LRBA: variants seen among roughly 807,000 people sequenced by gnomAD.
LRBA encodes LPS responsive beige-like anchor protein, also known as lipopolysaccharide-responsive and beige-like anchor protein.
A neutral mutation model predicts 330.0 loss-of-function variants in LRBA; 176 were observed. That is an observed-to-expected ratio of 0.53 (90% CI 0.47 to 0.60). The LOEUF is 0.60. Ranked by LOEUF, LRBA falls within the 20% of genes least tolerant of loss-of-function variation. LRBA has a pLI of 0.00. For synonymous variants in LRBA, 1,230 were observed against 1,193.0 expected (o/e 1.03, Z -0.64); for missense variants, 3,259 against 3,444.8 (o/e 0.95, Z 1.35).
intron 37 of LRBA, among the ~76,000 whole-genome samples, chr4:150,635,232 CA>C (rs1312860524): frequency 6.6e-6 from 1 of 152,172 alleles, no homozygotes. Context: ...CCAGGAATAT[CA>C]GCATGACTCC....
intron 37 of LRBA, among the ~76,000 whole-genome samples, chr4:150,657,176 C>G (rs554424039): frequency 6.6e-6 from 1 of 152,306 alleles, no homozygotes; most frequent in South Asian, 2.1e-4. Context: ...ATAAGACAGA[C>G]TTCCCTTACG....
chr4:150,632,631 C>T (rs1036193026), intron 37 of LRBA, among the ~76,000 whole-genome samples: 3 of 152,126 alleles, frequency 2.0e-5, no homozygotes, highest in Non-Finnish European at 4.4e-5. Context: ...TGGGCTTATC[C>T]TAGCTCTCCT....
At chr4:150,849,277 T>C in intron 25 of LRBA, 145 bp downstream of exon 25, 1 of 698,052 alleles carries the variant, frequency 1.4e-6, no homozygotes, top group Non-Finnish European at 2.4e-6. Context: ...GAACAGATTC[T>C]AAGGTCCTCT....
intron 40 of LRBA, among the ~76,000 whole-genome samples, chr4:150,565,299 C>T (rs1476382082): frequency 6.6e-6 from 1 of 152,018 alleles, no homozygotes; most frequent in African/African-American, 2.4e-5. Context: ...ACTATGAGAA[C>T]ACATGGACAC....
At chr4:150,659,209 G>C (rs1400090059) in intron 37 of LRBA, among the ~76,000 whole-genome samples, 1 of 92,090 alleles carries the variant, frequency 1.1e-5, no homozygotes, top group African/African-American at 3.7e-5. Flanking sequence ...CCCTCTGCCT[G>C]GCTGCCCAGT....
chr4:150,751,892 T>C (rs975835292), intron 35 of LRBA, among the ~76,000 whole-genome samples: 5 of 152,144 alleles, frequency 3.3e-5, no homozygotes, highest in African/African-American at 1.2e-4. Flanking sequence ...AGACCTTGGG[T>C]AAGCACATAC....
At chr4:150,775,325 ATTATT>A (rs1347781470) in intron 34 of LRBA, among the ~76,000 whole-genome samples, 3 of 152,188 alleles carry the variant, frequency 2.0e-5, no homozygotes, top group African/African-American at 7.2e-5. Context: ...ATCTCCCCAA[ATTATT>A]TTATTTATTT....
intron 47 of LRBA, among the ~76,000 whole-genome samples, chr4:150,398,166 G>C (rs1745001795): frequency 6.6e-6 from 1 of 152,102 alleles, no homozygotes; most frequent in African/African-American, 2.4e-5. Flanking sequence ...ATGGTGAATG[G>C]AACAGATCTA....
At chr4:150,935,010 G>GA (rs35609336) in intron 2 of LRBA, among the ~76,000 whole-genome samples, 108,106 of 131,330 alleles carry the variant, frequency 0.82, 45,927 homozygotes, top group Non-Finnish European at 0.94. Flanking sequence ...CTCCATCTCA[G>GA]AAAAAAAAAA....
At chr4:150,941,423 T>C (rs1270272862) in intron 2 of LRBA, among the ~76,000 whole-genome samples, 1 of 152,050 alleles carries the variant, frequency 6.6e-6, no homozygotes, top group African/African-American at 2.4e-5. Flanking sequence ...AATGCTGGGA[T>C]TACAGGCGTG....
At chr4:150,823,344 T>G (rs1254434659) in intron 30 of LRBA, among the ~76,000 whole-genome samples, 1 of 152,194 alleles carries the variant, frequency 6.6e-6, no homozygotes, top group Non-Finnish European at 1.5e-5. Context: ...CCTTATATAT[T>G]CTGATTATTA....
At chr4:150,727,067 G>GTTTTTTTT (rs34671398) in intron 36 of LRBA, among the ~76,000 whole-genome samples, 32 of 79,526 alleles carry the variant, frequency 4.0e-4, no homozygotes, top group East Asian at 9.0e-4. Flanking sequence ...ACATTTCGTT[G>GTTTTTTTT]TTTTTTTTTT....
intron 46 of LRBA, among the ~76,000 whole-genome samples, chr4:150,433,610 GA>G (rs1204261841): frequency 2.7e-5 from 4 of 150,140 alleles, no homozygotes; most frequent in African/African-American, 4.9e-5. Context: ...AATTTGGAAA[GA>G]AAAAAAAACC....
At chr4:150,927,279 A>C (rs2149506023) in intron 4 of LRBA, among the ~76,000 whole-genome samples, 1 of 151,852 alleles carries the variant, frequency 6.6e-6, no homozygotes, top group South Asian at 2.1e-4. Flanking sequence ...AGGCTGAGGC[A>C]GGAGGATGGC....
intron 29 of LRBA, among the ~76,000 whole-genome samples, chr4:150,830,953 T>A (rs990707353): frequency 6.6e-6 from 1 of 151,686 alleles, no homozygotes; most frequent in Non-Finnish European, 1.5e-5. Context: ...TTAGTAGAGA[T>A]AGGGTTTTAC....
intron 42 of LRBA, among the ~76,000 whole-genome samples, chr4:150,483,257 CT>C (rs1186701276): frequency 6.6e-6 from 1 of 151,958 alleles, no homozygotes; most frequent in African/African-American, 2.4e-5. Context: ...ATTTTCCCCC[CT>C]GGGCATACCT....
chr4:150,424,068 T>C (rs778351870), intron 46 of LRBA, among the ~76,000 whole-genome samples: 12 of 152,286 alleles, frequency 7.9e-5, no homozygotes, highest in Non-Finnish European at 1.0e-4. Context: ...TCTATCTCCC[T>C]CTAAATGGAA....
intron 43 of LRBA, among the ~76,000 whole-genome samples, chr4:150,469,330 G>A (rs1422763129): frequency 6.6e-6 from 1 of 151,914 alleles, no homozygotes; most frequent in Non-Finnish European, 1.5e-5. Context: ...ATCCTCTAAT[G>A]CACATTTAAA....
intron 44 of LRBA, among the ~76,000 whole-genome samples, chr4:150,444,111 G>C (rs187639720): frequency 2.0e-5 from 3 of 151,752 alleles, no homozygotes; most frequent in Non-Finnish European, 4.4e-5. Context: ...TTTAAAAAGC[G>C]TATTTTATCT....
Sources: gnomAD v4.1 joint callset for allele counts (sites outside exome capture counted in the v4.1 genomes callset) on GRCh38, gnomAD v4.1.1 for gene constraint, MANE v1.5 for transcripts, NCBI Gene and HGNC (gene_info 2026-07-23, HGNC 2026-07-21) for gene names.